DCDC2: variants seen among roughly 807,000 people sequenced by gnomAD.
DCDC2 encodes doublecortin domain-containing protein 2.
In DCDC2, 40 loss-of-function variants were observed where a neutral mutation model predicts 50.2. The observed-to-expected ratio is 0.80, with a 90% CI of 0.62 to 1.04. The LOEUF (loss-of-function observed/expected upper bound fraction) is 1.04, where lower values mean the gene tolerates loss of function less well. Among genes scored for constraint, DCDC2 ranks in the 50% least tolerant of loss-of-function variants. DCDC2 has a pLI of 0.00. For synonymous variants in DCDC2, 234 were observed against 210.6 expected (o/e 1.11, Z -0.96); for missense variants, 570 against 581.9 (o/e 0.98, Z 0.21).
intron 2 of DCDC2, among the ~76,000 whole-genome samples, chr6:24,321,580 T>C (rs1342578294): frequency 6.6e-6 from 1 of 152,236 alleles, no homozygotes; most frequent in East Asian, 1.9e-4. Flanking sequence ...AGAGTATAAG[T>C]ACTTTGTCCT....
At chr6:24,174,936 A>T in intron 9 of DCDC2, 102 bp from the exon 10 acceptor site, 1 of 604,260 alleles carries the variant, frequency 1.7e-6, no homozygotes, top group Non-Finnish European at 2.6e-6. Flanking sequence ...TTAATTATAT[A>T]AATATTTAAC....
chr6:24,196,467 C>G (rs939691348), intron 8 of DCDC2, among the ~76,000 whole-genome samples: 19 of 152,180 alleles, frequency 1.2e-4, no homozygotes, highest in South Asian at 2.1e-4. Context: ...GTCACCCACA[C>G]TACAGTGAGG....
At chr6:24,280,024 C>T (rs1285189896) in intron 6 of DCDC2, among the ~76,000 whole-genome samples, 1 of 152,158 alleles carries the variant, frequency 6.6e-6, no homozygotes, top group Non-Finnish European at 1.5e-5. Context: ...AACATCTGTA[C>T]TATGCTTGTG....
intron 2 of DCDC2, among the ~76,000 whole-genome samples, chr6:24,352,093 G>A (rs1047852528): frequency 2.0e-5 from 3 of 152,106 alleles, no homozygotes; most frequent in Non-Finnish European, 2.9e-5. Context: ...GACAGAAGGA[G>A]ACTCTGTCTC....
At chr6:24,229,986 C>A (rs793837) in intron 7 of DCDC2, among the ~76,000 whole-genome samples, 116,401 of 152,078 alleles carry the variant, frequency 0.77, 44,847 homozygotes, top group Non-Finnish European at 0.8. Context: ...AGTCCTTCCC[C>A]GGACCACAAA....
chr6:24,238,294 A>C (rs1335850778), intron 7 of DCDC2, among the ~76,000 whole-genome samples: 1 of 148,732 alleles, frequency 6.7e-6, no homozygotes, highest in African/African-American at 2.5e-5. Context: ...CATTCCATGC[A>C]TCTCACATTA....
chr6:24,241,914 A>G (rs1264972424), intron 7 of DCDC2, among the ~76,000 whole-genome samples: 3 of 152,174 alleles, frequency 2.0e-5, no homozygotes, highest in Non-Finnish European at 2.9e-5. Flanking sequence ...GCTCATGCCT[A>G]TAATTCCAGC....
rs142162980 is a variant in DCDC2, at chr6:24,197,629, A to G, written c.1023+7373T>C. ...AAATTGGATTTTTGAAATCTGCGTGATTTTTACCACGTTAGGCTTTTCATC... is the reference window on the plus strand; with the variant it reads ...AAATTGGATTTTTGAAATCTGCGTGGTTTTTACCACGTTAGGCTTTTCATC... On this transcript the variant is annotated intron_variant, in intron 8 of 9. Coordinates refer to ENST00000378454, the MANE Select transcript of DCDC2 (RefSeq NM_016356.5). Among the ~76,000 whole-genome samples the G allele has an allele frequency of 1.1e-4, 17 of 152,312 alleles. No homozygotes were observed. In the East Asian group the frequency reaches 3.3e-3, roughly 29 times the overall value.
the DCDC2 span, among the ~76,000 whole-genome samples, chr6:24,368,035 A>T: frequency 4.0e-3 from 610 of 152,278 alleles, no homozygotes; most frequent in South Asian, 7.3e-3. Context: ...TGAAGACTTT[A>T]AATAGCAGAT....
intron 7 of DCDC2, among the ~76,000 whole-genome samples, chr6:24,246,486 T>TTC (rs1193368088): frequency 9.7e-5 from 12 of 123,566 alleles, no homozygotes; most frequent in African/African-American, 3.6e-4. Context: ...TTTCTTTTTT[T>TTC]TTTTTTTTTT....
At chr6:24,284,266 G>C (rs1371198335) in intron 6 of DCDC2, among the ~76,000 whole-genome samples, 1 of 151,992 alleles carries the variant, frequency 6.6e-6, no homozygotes, top group African/African-American at 2.4e-5. Flanking sequence ...TTCTATTCTT[G>C]CCCCAAACCA....
intron 7 of DCDC2, among the ~76,000 whole-genome samples, chr6:24,249,823 TATA>T (rs10552937): frequency 0.02 from 2,974 of 152,288 alleles, 84 homozygotes; most frequent in African/African-American, 0.063. Flanking sequence ...CATTCCTCTT[TATA>T]ATAGCCATAT....
intron 4 of DCDC2, among the ~76,000 whole-genome samples, chr6:24,291,407 A>G (rs1163900012): frequency 1.3e-5 from 2 of 152,064 alleles, no homozygotes; most frequent in African/African-American, 4.8e-5. Flanking sequence ...TAACTTGTAC[A>G]GATCACAGTG....
intron 7 of DCDC2, among the ~76,000 whole-genome samples, chr6:24,263,138 C>T (rs1257031250): frequency 1.3e-5 from 2 of 152,226 alleles, no homozygotes; most frequent in Non-Finnish European, 2.9e-5. Context: ...AGTGCTTCCA[C>T]GCATCTGCCA....
At chr6:24,186,734 TATCC>T in intron 8 of DCDC2, among the ~76,000 whole-genome samples, 1 of 152,334 alleles carries the variant, frequency 6.6e-6, no homozygotes, top group East Asian at 1.9e-4. Flanking sequence ...CCCTGAATAT[TATCC>T]ATCTGTTAAG....
chr6:24,240,398 CAG>C (rs1403568320), intron 7 of DCDC2, among the ~76,000 whole-genome samples: 55 of 152,166 alleles, frequency 3.6e-4, no homozygotes, highest in Non-Finnish European at 8.8e-5. Flanking sequence ...AACTGAACTG[CAG>C]AGTTTTTCCA....
At chr6:24,346,149 G>A (rs1760250133) in intron 2 of DCDC2, among the ~76,000 whole-genome samples, 1 of 101,422 alleles carries the variant, frequency 9.9e-6, no homozygotes, top group Non-Finnish European at 2.2e-5. Context: ...AAGAGACTCT[G>A]TCTAAAAAAA....
intron 6 of DCDC2, among the ~76,000 whole-genome samples, chr6:24,286,102 G>A (rs936979474): frequency 5.9e-5 from 9 of 151,954 alleles, no homozygotes; most frequent in Admixed American, 1.3e-4. Context: ...CTTTGACCCC[G>A]CACCTGTGAA....
At chr6:24,382,016 G>GCAGA in the DCDC2 span, among the ~76,000 whole-genome samples, 1 of 150,512 alleles carries the variant, frequency 6.6e-6, no homozygotes, top group East Asian at 1.9e-4. Context: ...AGGAAGGCAG[G>GCAGA]CAAGCTATTT....
Sources: gnomAD v4.1 joint callset for allele counts (sites outside exome capture counted in the v4.1 genomes callset) on GRCh38, gnomAD v4.1.1 for gene constraint, MANE v1.5 for transcripts, NCBI Gene and HGNC (gene_info 2026-07-23, HGNC 2026-07-21) for gene names.